The following CUX1 variants were observed in gnomAD, a reference collection of about 807,000 sequenced individuals.
CUX1 encodes the protein protein CASP.
In CUX1, 31 loss-of-function variants were observed where a neutral mutation model predicts 158.8. The observed-to-expected ratio is 0.20, with a 90% CI of 0.15 to 0.26. CUX1 has a LOEUF of 0.26. Among genes scored for constraint, CUX1 ranks in the 10% least tolerant of loss-of-function variants. The probability of loss-of-function intolerance (pLI) is 1.00; values close to 1 mark genes in which losing one functional copy is unlikely to be tolerated. For synonymous variants in CUX1, 879 were observed against 862.1 expected, an observed-to-expected ratio of 1.02 and a Z score of -0.34; for missense variants, 1,589 against 2,014.6, an observed-to-expected ratio of 0.79 and a Z score of 4.04.
At chr7:102,012,005 C>G (rs1818090466) in intron 2 of CUX1, among the ~76,000 whole-genome samples, 1 of 151,980 alleles carries the variant, frequency 6.6e-6, no homozygotes, top group African/African-American at 2.4e-5. Flanking sequence ...GACGGGGTTT[C>G]ACCATGTTGG....
intron 9 of CUX1, among the ~76,000 whole-genome samples, chr7:102,159,702 A>G (rs1790223273): frequency 2.0e-5 from 3 of 151,686 alleles, no homozygotes; most frequent in African/African-American, 7.3e-5. Flanking sequence ...CTCTACTAAA[A>G]ATACAAAATT....
At chr7:102,183,611 A>G (rs1200775413) in intron 11 of CUX1, among the ~76,000 whole-genome samples, 1 of 152,168 alleles carries the variant, frequency 6.6e-6, no homozygotes, top group Non-Finnish European at 1.5e-5. Flanking sequence ...CATGCTGCCC[A>G]GGCCTGGACC....
intron 2 of CUX1, among the ~76,000 whole-genome samples, chr7:101,939,184 A>G (rs1807396656): frequency 7.1e-6 from 1 of 141,298 alleles, no homozygotes; most frequent in Non-Finnish European, 1.5e-5. Flanking sequence ...CCCTCAGCCC[A>G]TGGTAACCAC....
At chr7:102,279,391 C>T (rs533151448) in intron 18 of CUX1, among the ~76,000 whole-genome samples, 1 of 152,318 alleles carries the variant, frequency 6.6e-6, no homozygotes, top group East Asian at 1.9e-4. Flanking sequence ...TTGGTCCACA[C>T]TCCAAAAAGC....
chr7:102,160,594 G>A (rs1376899619), intron 9 of CUX1, among the ~76,000 whole-genome samples: 1 of 151,930 alleles, frequency 6.6e-6, no homozygotes. Context: ...GGCCTTGACG[G>A]GTCTCTTAAT....
intron 1 of CUX1, among the ~76,000 whole-genome samples, chr7:101,874,664 C>T (rs1798931634): frequency 6.6e-6 from 1 of 152,138 alleles, no homozygotes; most frequent in African/African-American, 2.4e-5. Flanking sequence ...CCGGTCTGAC[C>T]CCGAGGTTCT....
intron 1 of CUX1, among the ~76,000 whole-genome samples, chr7:101,863,900 A>G (rs1279254406): frequency 6.6e-6 from 1 of 152,186 alleles, no homozygotes; most frequent in Non-Finnish European, 1.5e-5. Flanking sequence ...AAGGCTGAAC[A>G]ATATTCCGTG....
At chr7:102,205,942 G>A (rs1057008812) in intron 20 of CUX1, among the ~76,000 whole-genome samples, 1 of 152,164 alleles carries the variant, frequency 6.6e-6, no homozygotes, top group African/African-American at 2.4e-5. Context: ...TTCACAGCCA[G>A]CTTTTAGGAA....
intron 2 of CUX1, chr7:101,960,818 G>A (rs1810384280): frequency 6.6e-6 from 1 of 152,180 alleles, no homozygotes; most frequent in Non-Finnish European, 1.5e-5. Context: ...TGAGTGTGTG[G>A]AGTCTTAAGA....
chr7:102,251,232 C>A lies in CUX1; in HGVS notation c.*2190C>A. 77 of 716,584 alleles carry A rather than the reference C, an allele frequency of 1.1e-4. No homozygotes were observed. Among genetic ancestry groups the A allele is most frequent in the Middle Eastern group, 7.5e-4 (1 of 1,336 alleles). The allele number at this position is 716,584 out of a possible 1,614,324, so 44.4% of individuals were successfully genotyped here. The stretch of plus-strand genomic sequence containing the variant: ...TATTTCTTAAGTTTAATTAATATTA[C>A]TTTTTTTTTTATTTGGGGGGTGGGA... On this transcript the variant is annotated 3_prime_UTR_variant, in exon 24 of 24. Coordinates refer to ENST00000292535, the MANE Select transcript of CUX1 (RefSeq NM_181552.4).
At position 102,227,442 on chromosome 7, in the gene CUX1, G is replaced by C; in HGVS notation, c.3206G>C (p.Ser1069Thr). Reference sequence around the variant, plus strand: ...ATGAGTTCCAGTGAGTCGGTGAAGAGCCTGACCGAGCTGGTCCAGCAGCCC... The same window carrying C: ...ATGAGTTCCAGTGAGTCGGTGAAGACCCTGACCGAGCTGGTCCAGCAGCCC... Reference protein sequence around the residue: ...SPMSSSESVKSLTELVQQPCP... With the variant: ...SPMSSSESVKTLTELVQQPCP... The change falls in exon 21 of 24, where the codon AGC becomes ACC. Residue 1069 changes from serine to threonine, a missense_variant. This residue lies in a region of CUX1 where 259 missense variants were observed against 373.8 expected (regional missense o/e 0.69). Coordinates refer to ENST00000292535, the MANE Select transcript of CUX1 (RefSeq NM_181552.4). 6.2e-7 allele frequency: 1 copy of C among 1,614,034 alleles called. No individual in the cohort carries two copies. The highest frequency in any genetic ancestry group is 1.1e-5 in the South Asian group (1 of 91,064).
At chr7:102,216,639 A>T (rs1797173532) in intron 20 of CUX1, among the ~76,000 whole-genome samples, 4 of 94,530 alleles carry the variant, frequency 4.2e-5, no homozygotes, top group Non-Finnish European at 8.5e-5. Flanking sequence ...ACCCCCACAC[A>T]CGCACACACA....
At chr7:102,210,491 G>A (rs543623701) in intron 20 of CUX1, among the ~76,000 whole-genome samples, 1 of 152,276 alleles carries the variant, frequency 6.6e-6, no homozygotes, top group Admixed American at 6.5e-5. Flanking sequence ...TGGGATTACC[G>A]ATGTGAGCCA....
chr7:102,216,592 A>ACC (rs1563425027), intron 20 of CUX1, among the ~76,000 whole-genome samples: 1 of 43,908 alleles, frequency 2.3e-5, no homozygotes, highest in Non-Finnish European at 4.4e-5. Context: ...TCCCACACAC[A>ACC]CACTCCCACA....
At position 101,853,584 on chromosome 7, in the gene CUX1, G is replaced by GGTGTGTGTGTGTGT. The variant is rs59324904; in HGVS notation, c.30+35940_30+35953dup. On this transcript the variant is annotated intron_variant, in intron 1 of 23. Coordinates refer to ENST00000292535, the MANE Select transcript of CUX1 (RefSeq NM_181552.4). ...TATATCAGAGCATGGCAATAGAAAG[G>GGTGTGTGTGTGTGT]GTGTGTGTGTGTGTGTGTGTGTGTG... Among the ~76,000 whole-genome samples the GGTGTGTGTGTGTGT allele has an allele frequency of 4.5e-3, 638 of 140,844 alleles. 8 individuals are homozygous for GGTGTGTGTGTGTGT. Among genetic ancestry groups the GGTGTGTGTGTGTGT allele is most frequent in the African/African-American group, 0.015 (568 of 36,692 alleles). The allele number at this position is 140,844 out of a possible 152,430, so 92.4% of individuals were successfully genotyped here.
intron 20 of CUX1, chr7:102,281,796 G>A: frequency 7.6e-7 from 1 of 1,310,662 alleles, no homozygotes. Context: ...TGCAGGGGTG[G>A]GTGAGGCCGG....
chr7:102,227,951 CTTTTTTTT>C (rs781968632), intron 21 of CUX1, among the ~76,000 whole-genome samples: 2 of 117,302 alleles, frequency 1.7e-5, no homozygotes, highest in African/African-American at 3.2e-5. Context: ...TCTTTTTTTT[CTTTTTTTT>C]TTTTTTTTTT....
At chr7:102,098,174 G>A (rs1436065323) in intron 5 of CUX1, among the ~76,000 whole-genome samples, 3 of 152,236 alleles carry the variant, frequency 2.0e-5, no homozygotes, top group Admixed American at 2.0e-4. Context: ...TCTGACAGCA[G>A]CAGCAGCAGG....
rs1374743968 is a variant in CUX1 at position 101,821,678 on chromosome 7, T to C, written c.30+4009T>C. On this transcript the variant is annotated intron_variant, in intron 1 of 23. Coordinates refer to ENST00000292535, the MANE Select transcript of CUX1 (RefSeq NM_181552.4). ...TTTCTTTTTTTCTTTTTTCTTTTTTTTTTTTTTTTTTTTTTTTTTGAGACG... is the reference window on the plus strand; with the variant it reads ...TTTCTTTTTTTCTTTTTTCTTTTTTCTTTTTTTTTTTTTTTTTTTGAGACG... Among the ~76,000 whole-genome samples, 745 of 101,564 alleles carry C rather than the reference T, an allele frequency of 7.3e-3. 14 individuals carry two copies. Among genetic ancestry groups the C allele is most frequent in the African/African-American group, 0.029 (712 of 24,982 alleles). The allele number at this position is 101,564 out of a possible 152,430, so 66.6% of individuals were successfully genotyped here.
Sources: allele counts gnomAD v4.1 joint callset (sites outside exome capture counted in the v4.1 genomes callset), GRCh38; gene constraint gnomAD v4.1.1; regional missense constraint gnomAD v4.1.1; transcripts MANE v1.5; gene names NCBI Gene and HGNC (gene_info 2026-07-23, HGNC 2026-07-21).